Variants in EXOC6B observed in about 807,000 individuals in gnomAD.
EXOC6B encodes exocyst complex component 6B.
In EXOC6B, 54 loss-of-function variants were observed where a neutral mutation model predicts 113.5. That is an observed-to-expected ratio of 0.48 (90% CI 0.38 to 0.60). The LOEUF (loss-of-function observed/expected upper bound fraction) is 0.60, where lower values mean the gene tolerates loss of function less well. EXOC6B is among the 20% of genes least tolerant of loss of function. The pLI, the probability that EXOC6B is intolerant of heterozygous loss-of-function variation, is 0.00. For synonymous variants in EXOC6B, 357 were observed against 339.0 expected (o/e 1.05, Z -0.58); for missense variants, 797 against 977.5 (o/e 0.82, Z 2.46).
At chr2:72,651,084 AC>A (rs1243848436) in intron 6 of EXOC6B, among the ~76,000 whole-genome samples, 2 of 152,172 alleles carry the variant, frequency 1.3e-5, no homozygotes, top group African/African-American at 4.8e-5. Flanking sequence ...AGCAATAAAG[AC>A]AGCCTAATCT....
At chr2:72,475,318 G>A (rs1698670161) in intron 17 of EXOC6B, among the ~76,000 whole-genome samples, 1 of 152,186 alleles carries the variant, frequency 6.6e-6, no homozygotes, top group Non-Finnish European at 1.5e-5. Context: ...TGTGAATGAT[G>A]ACAATGGCAG....
intron 18 of EXOC6B, among the ~76,000 whole-genome samples, chr2:72,424,289 T>C (rs1695083584): frequency 6.6e-6 from 1 of 152,144 alleles, no homozygotes; most frequent in Non-Finnish European, 1.5e-5. Context: ...GCTTTTTTTT[T>C]TCATTAGATT....
intron 20 of EXOC6B, among the ~76,000 whole-genome samples, chr2:72,261,726 C>T (rs1179639808): frequency 1.3e-5 from 2 of 152,106 alleles, no homozygotes; most frequent in Non-Finnish European, 2.9e-5. Flanking sequence ...GTTATATTTT[C>T]ATATATTTGA....
At chr2:72,761,836 A>C (rs1371737413) in intron 1 of EXOC6B, among the ~76,000 whole-genome samples, 1 of 152,124 alleles carries the variant, frequency 6.6e-6, no homozygotes, top group African/African-American at 2.4e-5. Flanking sequence ...TCAGGAGCTA[A>C]GGATGGTAGC....
chr2:72,340,299 G>A (rs1310809679), intron 19 of EXOC6B, among the ~76,000 whole-genome samples: 1 of 152,070 alleles, frequency 6.6e-6, no homozygotes, highest in Non-Finnish European at 1.5e-5. Context: ...ATCAAAAGAA[G>A]TCTGTGAGAA....
At chr2:72,210,516 T>C (rs1377212066) in intron 20 of EXOC6B, among the ~76,000 whole-genome samples, 3 of 152,162 alleles carry the variant, frequency 2.0e-5, no homozygotes. Context: ...ACTCAATAAA[T>C]GTAATGAACT....
chr2:72,370,184 T>G (rs912897210), intron 19 of EXOC6B, among the ~76,000 whole-genome samples: 3 of 151,742 alleles, frequency 2.0e-5, no homozygotes, highest in African/African-American at 4.8e-5. Flanking sequence ...AAACAACCCC[T>G]TCAAAAAGTG....
chr2:72,782,017 G>A (rs1467920045), intron 1 of EXOC6B, among the ~76,000 whole-genome samples: 1 of 151,624 alleles, frequency 6.6e-6, no homozygotes, highest in East Asian at 1.9e-4. Context: ...GTGAGCACCT[G>A]TAATCCCAGC....
In EXOC6B at chr2:72,428,763, T is replaced by G. The variant is rs558743081; in HGVS notation, c.1980+36397A>C. Among the ~76,000 whole-genome samples the G allele has an allele frequency of 1.3e-4, 20 of 152,278 alleles. 1 individual carries two copies. The highest frequency in any genetic ancestry group is 4.6e-4 in the African/African-American group (19 of 41,556). ...TAACAACAATATCTAGAAAATAGCC[T>G]TTGCAATAAGTGGAATGGAGCCAAG... On this transcript the variant is annotated intron_variant, in intron 18 of 21. Transcript: ENST00000272427.
rs1677827056 is a variant in EXOC6B at position 72,177,793 on chromosome 2, GA to G, written c.*1541del. 6.6e-6 allele frequency: 1 copy of G among 152,234 alleles called. No homozygotes were observed. Among genetic ancestry groups the G allele is most frequent in the African/African-American group, 2.4e-5 (1 of 41,448 alleles). The allele number at this position is 152,234 out of a possible 1,614,324, so 9.4% of individuals were successfully genotyped here. A position where few individuals can be genotyped will look rare whatever the true frequency, so the allele number is the denominator to read the frequency against. ...AAGGTAGTGAAGAATTCTGTTTGATGAGTCTCTCCTCCCATCAATCCAAGCT... is the reference window on the plus strand; with the variant it reads ...AAGGTAGTGAAGAATTCTGTTTGATGGTCTCTCCTCCCATCAATCCAAGCT... On this transcript the variant is annotated 3_prime_UTR_variant, in exon 22 of 22. Transcript: ENST00000272427.
intron 6 of EXOC6B, among the ~76,000 whole-genome samples, chr2:72,699,715 A>G (rs1300250499): frequency 6.6e-6 from 1 of 152,218 alleles, no homozygotes. Flanking sequence ...AAAAAAAACA[A>G]TGTTATAGTA....
At chr2:72,431,971 T>C (rs1695561147) in intron 18 of EXOC6B, among the ~76,000 whole-genome samples, 1 of 152,200 alleles carries the variant, frequency 6.6e-6, no homozygotes, top group African/African-American at 2.4e-5. Context: ...ACAAAGGACA[T>C]GACTCATCCC....
intron 1 of EXOC6B, among the ~76,000 whole-genome samples, chr2:72,821,527 C>T (rs1265064833): frequency 1.3e-5 from 2 of 152,028 alleles, no homozygotes; most frequent in Non-Finnish European, 2.9e-5. Context: ...TACAAATGGC[C>T]ATGGCAGCAT....
intron 18 of EXOC6B, among the ~76,000 whole-genome samples, chr2:72,449,440 G>T (rs1178937227): frequency 6.6e-6 from 1 of 151,084 alleles, no homozygotes; most frequent in Non-Finnish European, 1.5e-5. Context: ...CAAAGTGCTG[G>T]AATTACAAGC....
rs373148022 is a variant in EXOC6B, at chr2:72,258,207, G to A, written c.2197-74020C>T. 3.3e-5 allele frequency among the ~76,000 whole-genome samples: 5 copies of A among 152,206 alleles called. No homozygotes were observed. The East Asian group carries it at 9.7e-4, about 29-fold the overall frequency. ...TGTCTTTACAAGTCAAGCATGAACA[G>A]TACCAAAGCATTTCTTATCTCTCTT... is the stretch of plus-strand genomic sequence containing the variant. On this transcript the variant is annotated intron_variant, in intron 20 of 21. Transcript: ENST00000272427.
chr2:72,628,580 C>T lies in EXOC6B; in HGVS notation c.670-52912G>A, dbSNP rs550212783. On this transcript the variant is annotated intron_variant, in intron 6 of 21. Transcript: ENST00000272427. ...TATTAGGAGGTGGAGTCTGTGGCAG[C>T]GATGAGGTTTAGGAGGGTGGAGCTT... is the stretch of plus-strand genomic sequence containing the variant. Among the ~76,000 whole-genome samples the T allele has an allele frequency of 2.6e-5, 4 of 152,184 alleles. No homozygotes were observed. In the South Asian group the frequency reaches 6.2e-4, roughly 24 times the overall value.
intron 19 of EXOC6B, among the ~76,000 whole-genome samples, chr2:72,343,574 T>TA (rs1240893586): frequency 6.6e-6 from 1 of 152,218 alleles, no homozygotes; most frequent in African/African-American, 2.4e-5. Context: ...CTTTGTAGGA[T>TA]TCCCTTGAGC....
chr2:72,451,654 C>CTGTGTG (rs141514102), intron 18 of EXOC6B, among the ~76,000 whole-genome samples: 16,320 of 142,476 alleles, frequency 0.11, 967 homozygotes, highest in African/African-American at 0.16. Context: ...GTCTTTGTGC[C>CTGTGTG]TGTGTGTGTG....
intron 19 of EXOC6B, among the ~76,000 whole-genome samples, chr2:72,367,274 A>G (rs1028054119): frequency 5.3e-5 from 8 of 152,316 alleles, no homozygotes; most frequent in African/African-American, 1.7e-4. Flanking sequence ...AACAATAACT[A>G]AAATATACAA....
Sources: gnomAD v4.1 joint callset for allele counts (sites outside exome capture counted in the v4.1 genomes callset) on GRCh38, gnomAD v4.1.1 for gene constraint, MANE v1.5 for transcripts, NCBI Gene and HGNC (gene_info 2026-07-23, HGNC 2026-07-21) for gene names.